SKAP2: variants seen among roughly 807,000 people sequenced by gnomAD.
The protein encoded by SKAP2 is src kinase associated phosphoprotein 2.
Under a neutral mutation model 54.9 loss-of-function variants are expected in SKAP2, and 28 were observed. The observed-to-expected ratio is 0.51, with a 90% CI of 0.38 to 0.70. The LOEUF (loss-of-function observed/expected upper bound fraction) is 0.70, where lower values mean the gene tolerates loss of function less well. SKAP2 is among the 30% of genes least tolerant of loss of function. The pLI is 0.00. For synonymous variants in SKAP2, 137 were observed against 134.3 expected (o/e 1.02, Z -0.14); for missense variants, 356 against 424.1 (o/e 0.84, Z 1.41).
chr7:26,801,115 C>T (rs906078282), intron 4 of SKAP2, among the ~76,000 whole-genome samples: 2 of 152,070 alleles, frequency 1.3e-5, no homozygotes, highest in Non-Finnish European at 1.5e-5. Flanking sequence ...CAACAAAATA[C>T]AAGCAATCTG....
At chr7:26,737,616 G>A (rs1338350893) in intron 6 of SKAP2, among the ~76,000 whole-genome samples, 1 of 152,078 alleles carries the variant, frequency 6.6e-6, no homozygotes, top group Non-Finnish European at 1.5e-5. Flanking sequence ...AATTCCATAG[G>A]AAAGCTTACA....
chr7:26,779,096 T>C (rs1442753373), intron 4 of SKAP2, among the ~76,000 whole-genome samples: 1 of 152,036 alleles, frequency 6.6e-6, no homozygotes, highest in Non-Finnish European at 1.5e-5. Context: ...AAAACAGTAA[T>C]AACTGTTCTT....
chr7:26,677,391 C>CAACAAAAAAAAA (rs1252682699), intron 11 of SKAP2, among the ~76,000 whole-genome samples: 1 of 89,200 alleles, frequency 1.1e-5, no homozygotes, highest in African/African-American at 4.9e-5. Context: ...GACTCTGTCT[C>CAACAAAAAAAAA]AATAAAAAAA....
At chr7:26,760,044 T>C (rs1227163830) in intron 4 of SKAP2, among the ~76,000 whole-genome samples, 5 of 152,184 alleles carry the variant, frequency 3.3e-5, no homozygotes, top group African/African-American at 9.6e-5. Flanking sequence ...AAGAAACATA[T>C]GTTAAAGATA....
At chr7:26,818,060 C>A (rs1253171248) in intron 4 of SKAP2, among the ~76,000 whole-genome samples, 2 of 152,168 alleles carry the variant, frequency 1.3e-5, no homozygotes, top group Non-Finnish European at 2.9e-5. Flanking sequence ...CTACCACTGA[C>A]TTTCTTCACA....
intron 4 of SKAP2, among the ~76,000 whole-genome samples, chr7:26,795,588 AT>A (rs1313190629): frequency 6.6e-6 from 1 of 152,216 alleles, no homozygotes; most frequent in Admixed American, 6.5e-5. Context: ...CCTCAAATCC[AT>A]TTTGGAAAAA....
chr7:26,790,423 T>C (rs1434993685), intron 4 of SKAP2, among the ~76,000 whole-genome samples: 1 of 152,220 alleles, frequency 6.6e-6, no homozygotes, highest in Non-Finnish European at 1.5e-5. Flanking sequence ...ATCTTACATG[T>C]GAATTTTACA....
downstream of SKAP2, among the ~76,000 whole-genome samples, chr7:26,665,006 TAAAC>T (rs1442562056): frequency 6.6e-6 from 1 of 152,112 alleles, no homozygotes; most frequent in Non-Finnish European, 1.5e-5. Context: ...CAACTTTAAA[TAAAC>T]AGGGAGTAAA....
At chr7:26,724,147 CAT>C (rs1787644255) in intron 9 of SKAP2, among the ~76,000 whole-genome samples, 2 of 152,156 alleles carry the variant, frequency 1.3e-5, no homozygotes, top group Admixed American at 6.5e-5. Flanking sequence ...TAGATGCATA[CAT>C]AGTTTTTATA....
chr7:26,779,498 A>G (rs937982163), intron 4 of SKAP2, among the ~76,000 whole-genome samples: 3 of 152,078 alleles, frequency 2.0e-5, no homozygotes, highest in African/African-American at 7.2e-5. Context: ...TTAATATCTA[A>G]GACAGAAATG....
chr7:26,784,820 A>G (rs1025105388), intron 4 of SKAP2, among the ~76,000 whole-genome samples: 1 of 152,190 alleles, frequency 6.6e-6, no homozygotes, highest in Non-Finnish European at 1.5e-5. Flanking sequence ...ATTAATTCCC[A>G]TGCCTAAATG....
chr7:26,780,228 C>G (rs1278162111), intron 4 of SKAP2, among the ~76,000 whole-genome samples: 1 of 152,066 alleles, frequency 6.6e-6, no homozygotes, highest in Non-Finnish European at 1.5e-5. Flanking sequence ...GAAAAGTGCC[C>G]TGAAGAGTAT....
chr7:26,724,038 A>C (rs1354620990), intron 9 of SKAP2, among the ~76,000 whole-genome samples: 1 of 152,166 alleles, frequency 6.6e-6, no homozygotes, highest in African/African-American at 2.4e-5. Flanking sequence ...AGGGGTTAAT[A>C]AACATGTAGC....
intron 3 of SKAP2, among the ~76,000 whole-genome samples, chr7:26,850,181 C>T (rs1235164552): frequency 6.6e-6 from 1 of 152,106 alleles, no homozygotes; most frequent in African/African-American, 2.4e-5. Flanking sequence ...GAGAACAATG[C>T]TGAAATAATC....
chr7:26,720,259 C>T (rs193033385), intron 9 of SKAP2, among the ~76,000 whole-genome samples: 4 of 152,182 alleles, frequency 2.6e-5, no homozygotes, highest in East Asian at 1.9e-4. Context: ...CAGATATTTT[C>T]GGTTTAGTAT....
At chr7:26,822,093 T>A (rs1257368646) in intron 4 of SKAP2, among the ~76,000 whole-genome samples, 1 of 152,230 alleles carries the variant, frequency 6.6e-6, no homozygotes, top group Non-Finnish European at 1.5e-5. Flanking sequence ...TCACCTCTGT[T>A]AAGTATGACA....
rs536121447 is a variant in SKAP2, at chr7:26,702,072, C to T, written c.797-11710G>A. ...TTTTTCCACAATTAAAAGTGGACAC[C>T]GTATCAGTTTCCTTATTTATTTCCT... On this transcript the variant is annotated intron_variant, in intron 9 of 12. Coordinates refer to ENST00000345317, the MANE Select transcript of SKAP2 (RefSeq NM_003930.5). 9.2e-5 allele frequency among the ~76,000 whole-genome samples: 14 copies of T among 152,224 alleles called. 1 individual carries two copies. The South Asian group carries it at 1.2e-3, about 14-fold the overall frequency.
At chr7:26,773,048 AGAT>A (rs1038964999) in intron 4 of SKAP2, among the ~76,000 whole-genome samples, 27 of 152,342 alleles carry the variant, frequency 1.8e-4, no homozygotes, top group African/African-American at 6.5e-4. Flanking sequence ...CATAAGATGA[AGAT>A]GATATTTTCC....
At chr7:26,691,143 T>A (rs2127940663) in intron 9 of SKAP2, among the ~76,000 whole-genome samples, 1 of 152,328 alleles carries the variant, frequency 6.6e-6, no homozygotes, top group Admixed American at 6.5e-5. Flanking sequence ...TTTGTGATTA[T>A]AAAGTCAATG....
Sources: allele counts gnomAD v4.1 joint callset (sites outside exome capture counted in the v4.1 genomes callset), GRCh38; gene constraint gnomAD v4.1.1; transcripts MANE v1.5; gene names NCBI Gene and HGNC (gene_info 2026-07-23, HGNC 2026-07-21).